The following TAFA1 variants were observed in gnomAD, a reference collection of about 807,000 sequenced individuals.
TAFA1 encodes TAFA chemokine like family member 1, also known as chemokine-like protein TAFA-1.
TAFA1 carries 4 observed loss-of-function variants against 18.5 expected under a neutral mutation model. The observed-to-expected ratio is 0.22, with a 90% CI of 0.11 to 0.49. The LOEUF is 0.49. TAFA1 is among the 20% of genes least tolerant of loss of function. The probability of loss-of-function intolerance (pLI) is 0.98; values close to 1 mark genes in which losing one functional copy is unlikely to be tolerated. For synonymous variants in TAFA1, 56 were observed against 55.2 expected (o/e 1.01, Z -0.06); for missense variants, 147 against 169.0 (o/e 0.87, Z 0.72).
At chr3:68,065,697 C>T (rs992351098) in intron 2 of TAFA1, among the ~76,000 whole-genome samples, 2 of 147,732 alleles carry the variant, frequency 1.4e-5, no homozygotes, top group Admixed American at 6.8e-5. Context: ...ACGACATATA[C>T]ATATGTGTGT....
intron 2 of TAFA1, among the ~76,000 whole-genome samples, chr3:68,175,459 A>C (rs1021182340): frequency 6.6e-5 from 10 of 152,222 alleles, no homozygotes; most frequent in Middle Eastern, 3.4e-3. Flanking sequence ...ATGGGAACCC[A>C]CCTCTTGCAT....
chr3:67,995,822 T>C, the TAFA1 span, among the ~76,000 whole-genome samples: 1 of 152,176 alleles, frequency 6.6e-6, no homozygotes, highest in South Asian at 2.1e-4. Flanking sequence ...AGACACATCA[T>C]CTGAAATTCT....
At position 68,518,572 on chromosome 3, in the gene TAFA1, A is replaced by G. The variant is rs1191059065; in HGVS notation, c.260-20184A>G. On this transcript the variant is annotated intron_variant, in intron 3 of 4. Coordinates refer to ENST00000478136, the MANE Select transcript of TAFA1 (RefSeq NM_213609.4). The stretch of plus-strand genomic sequence containing the variant: ...GATGGTTACTGATTAGTAATTACTG[A>G]TGATTACTTTTATAATAACAATAAC... Among the ~76,000 whole-genome samples, 3 of 152,296 alleles carry G rather than the reference A, an allele frequency of 2.0e-5. No individual in the cohort carries two copies. In the East Asian group the frequency reaches 5.8e-4, roughly 29 times the overall value.
intron 3 of TAFA1, among the ~76,000 whole-genome samples, chr3:68,468,376 T>G (rs1231739482): frequency 6.6e-6 from 1 of 152,242 alleles, no homozygotes; most frequent in Non-Finnish European, 1.5e-5. Flanking sequence ...ATCCTATGTG[T>G]GCCTCTGAGA....
At chr3:68,110,681 A>G (rs1312152405) in intron 2 of TAFA1, among the ~76,000 whole-genome samples, 1 of 152,184 alleles carries the variant, frequency 6.6e-6, no homozygotes, top group African/African-American at 2.4e-5. Context: ...TTAAGAATGT[A>G]TTCTGGAGGT....
intron 2 of TAFA1, among the ~76,000 whole-genome samples, chr3:68,338,241 T>G (rs1408534800): frequency 1.3e-5 from 2 of 152,198 alleles, no homozygotes; most frequent in Non-Finnish European, 2.9e-5. Flanking sequence ...TCAGTGCTTA[T>G]CGGTGTTCAA....
At chr3:68,136,141 C>A (rs773217099) in intron 2 of TAFA1, among the ~76,000 whole-genome samples, 1 of 152,038 alleles carries the variant, frequency 6.6e-6, no homozygotes, top group Non-Finnish European at 1.5e-5. Flanking sequence ...TGACTGATAG[C>A]CTAGTTTCAA....
intron 2 of TAFA1, among the ~76,000 whole-genome samples, chr3:68,022,684 A>G (rs1055620049): frequency 3.3e-5 from 5 of 151,820 alleles, no homozygotes; most frequent in African/African-American, 4.8e-5. Flanking sequence ...TCAGAAGAAT[A>G]CAAGGGAAAA....
intron 3 of TAFA1, among the ~76,000 whole-genome samples, chr3:68,456,895 T>C (rs1446486924): frequency 6.6e-6 from 1 of 152,234 alleles, no homozygotes. Context: ...TGTAATGTCA[T>C]GAATTTTCTC....
intron 2 of TAFA1, among the ~76,000 whole-genome samples, chr3:68,141,723 C>T (rs747480585): frequency 2.6e-5 from 4 of 152,218 alleles, no homozygotes; most frequent in Admixed American, 2.0e-4. Context: ...GTGAAGCCAA[C>T]ACAGAAGAAA....
chr3:68,207,185 C>T lies in TAFA1; in HGVS notation c.118+200441C>T, dbSNP rs534232466. On this transcript the variant is annotated intron_variant, in intron 2 of 4. Transcript: ENST00000478136. Reference sequence around the variant, plus strand: ...TAGCAAAAAATGGAGATACTGCTTTCTATTGACTAATATGGAGTGACATTT... The same window carrying T: ...TAGCAAAAAATGGAGATACTGCTTTTTATTGACTAATATGGAGTGACATTT... Among the ~76,000 whole-genome samples the T allele has an allele frequency of 5.3e-5, 8 of 151,892 alleles. No homozygotes were observed. The South Asian group carries it at 1.7e-3, about 31-fold the overall frequency.
intron 2 of TAFA1, among the ~76,000 whole-genome samples, chr3:68,317,760 A>T (rs1026012835): frequency 2.0e-5 from 3 of 152,174 alleles, no homozygotes; most frequent in Non-Finnish European, 2.9e-5. Context: ...AAGTTACTCA[A>T]ATTAAAACTT....
intron 2 of TAFA1, among the ~76,000 whole-genome samples, chr3:68,066,840 C>T (rs952551560): frequency 2.6e-5 from 4 of 152,096 alleles, no homozygotes; most frequent in Admixed American, 1.3e-4. Flanking sequence ...TACAAAATAG[C>T]TGGGAAGAAC....
chr3:68,008,158 G>A (rs1199934654), intron 2 of TAFA1, among the ~76,000 whole-genome samples: 3 of 152,242 alleles, frequency 2.0e-5, no homozygotes, highest in African/African-American at 7.2e-5. Context: ...GGTGGGCAGG[G>A]AAACCGCCCT....
rs540412446 is a variant in TAFA1, at chr3:68,533,704, T to C, written c.260-5052T>C. 6.6e-5 allele frequency among the ~76,000 whole-genome samples: 10 copies of C among 152,294 alleles called. No homozygotes were observed. In the East Asian group the frequency reaches 1.7e-3, roughly 26 times the overall value. ...TCGATTTCTACTCCTGTCTTTGTCC[T>C]GTACCTGTGAAGATAAGCTGTTAAT... On this transcript the variant is annotated intron_variant, in intron 3 of 4. Transcript: ENST00000478136.
intron 3 of TAFA1, among the ~76,000 whole-genome samples, chr3:68,521,181 C>T (rs1231309579): frequency 6.6e-6 from 1 of 152,174 alleles, no homozygotes; most frequent in Non-Finnish European, 1.5e-5. Context: ...AAGGACCAGG[C>T]CAGCAGTGAC....
the TAFA1 span, among the ~76,000 whole-genome samples, chr3:67,998,184 G>A: frequency 2.0e-5 from 3 of 152,204 alleles, no homozygotes; most frequent in South Asian, 2.1e-4. Context: ...TGTGTGATAG[G>A]TTATAGATGA....
At chr3:68,304,345 G>A (rs946159392) in intron 2 of TAFA1, among the ~76,000 whole-genome samples, 2 of 148,604 alleles carry the variant, frequency 1.3e-5, no homozygotes, top group African/African-American at 2.4e-5. Flanking sequence ...AATCTTCTTT[G>A]TAAAGTTTTC....
At chr3:68,221,993 T>A (rs2066737193) in intron 2 of TAFA1, among the ~76,000 whole-genome samples, 1 of 152,196 alleles carries the variant, frequency 6.6e-6, no homozygotes, top group African/African-American at 2.4e-5. Context: ...GAGAGCTTAC[T>A]CCCTCAAGAT....
Sources: allele counts gnomAD v4.1 joint callset (sites outside exome capture counted in the v4.1 genomes callset), GRCh38; gene constraint gnomAD v4.1.1; transcripts MANE v1.5; gene names NCBI Gene and HGNC (gene_info 2026-07-23, HGNC 2026-07-21).